Variants in KLF9 observed in about 807,000 individuals in gnomAD.
The protein encoded by KLF9 is KLF transcription factor 9, also known as Krueppel-like factor 9.
In KLF9, 2 loss-of-function variants were observed where a neutral mutation model predicts 17.3. The observed-to-expected ratio is 0.12, with a 90% CI of 0.05 to 0.36. The LOEUF is 0.36. Ranked by LOEUF, KLF9 falls within the 10% of genes least tolerant of loss-of-function variation. KLF9 has a pLI of 1.00. For missense variants in KLF9, 226 were observed against 333.2 expected (o/e 0.68, Z 2.51); for synonymous variants, 138 against 139.2 (o/e 0.99, Z 0.06).
chr9:70,411,961 C>T (rs1008785465), intron 1 of KLF9, among the ~76,000 whole-genome samples: 2 of 152,084 alleles, frequency 1.3e-5, no homozygotes, highest in Non-Finnish European at 2.9e-5. Flanking sequence ...AATTGGATGA[C>T]CCAGGTCCCT....
At chr9:70,410,346 C>T (rs765501214) in intron 1 of KLF9, among the ~76,000 whole-genome samples, 8 of 152,232 alleles carry the variant, frequency 5.3e-5, no homozygotes, top group Non-Finnish European at 1.2e-4. Context: ...AGCAGCAAGC[C>T]TCCAGTTTGC....
intron 1 of KLF9, among the ~76,000 whole-genome samples, chr9:70,397,270 G>T (rs575070950): frequency 9.2e-5 from 14 of 152,016 alleles, no homozygotes; most frequent in South Asian, 6.2e-4. Context: ...AGGTGAGGAG[G>T]TTGAGACCAT....
chr9:70,411,413 T>C (rs1353217198), intron 1 of KLF9, among the ~76,000 whole-genome samples: 1 of 151,990 alleles, frequency 6.6e-6, no homozygotes, highest in Non-Finnish European at 1.5e-5. Flanking sequence ...AAAGGTCACA[T>C]CCCCCAACAC....
At chr9:70,409,104 G>A (rs1452051615) in intron 1 of KLF9, among the ~76,000 whole-genome samples, 1,628 of 71,382 alleles carry the variant, frequency 0.023, 52 homozygotes, top group Non-Finnish European at 0.042. Flanking sequence ...ATATATATGT[G>A]TATATATATA....
At chr9:70,409,964 T>C (rs1402148530) in intron 1 of KLF9, among the ~76,000 whole-genome samples, 2 of 152,260 alleles carry the variant, frequency 1.3e-5, no homozygotes, top group Non-Finnish European at 2.9e-5. Flanking sequence ...CTCAAGGGGT[T>C]ACTGTGTGTG....
chr9:70,399,521 T>C (rs1447798162), intron 1 of KLF9, among the ~76,000 whole-genome samples: 1 of 152,240 alleles, frequency 6.6e-6, no homozygotes. Flanking sequence ...GGCAAAGCTA[T>C]CCCAAGAACA....
intron 1 of KLF9, among the ~76,000 whole-genome samples, chr9:70,401,461 G>T (rs1479565699): frequency 1.3e-5 from 2 of 152,016 alleles, no homozygotes; most frequent in African/African-American, 4.8e-5. Flanking sequence ...CGAGGCCGGT[G>T]AATCACTTCA....
intron 1 of KLF9, among the ~76,000 whole-genome samples, chr9:70,404,412 C>T (rs1164344368): frequency 6.6e-6 from 1 of 151,874 alleles, no homozygotes; most frequent in East Asian, 1.9e-4. Flanking sequence ...CCAGCCTGGG[C>T]AACATAGTGA....
intron 1 of KLF9, among the ~76,000 whole-genome samples, chr9:70,394,048 T>C (rs114203902): frequency 0.016 from 1,915 of 118,616 alleles, 49 homozygotes; most frequent in African/African-American, 0.057. Flanking sequence ...AAAAAAAGAG[T>C]GGTTTCTGAT....
At chr9:70,403,094 GA>G (rs2037234729) in intron 1 of KLF9, among the ~76,000 whole-genome samples, 1 of 152,190 alleles carries the variant, frequency 6.6e-6, no homozygotes, top group Non-Finnish European at 1.5e-5. Context: ...AGGTTGCAGT[GA>G]GCCGAGATTG....
intron 1 of KLF9, among the ~76,000 whole-genome samples, chr9:70,403,284 T>A (rs1234276813): frequency 1.3e-5 from 2 of 152,208 alleles, no homozygotes; most frequent in East Asian, 3.8e-4. Flanking sequence ...CAACAACTCC[T>A]TCCCCATTCT....
rs1284118303 is a variant in KLF9, at chr9:70,387,833, G to C, written c.678C>G (p.Thr226=). 3 of 1,614,090 alleles carry C rather than the reference G, an allele frequency of 1.9e-6. No individual in the cohort carries two copies. The highest frequency in any genetic ancestry group is 1.7e-5 in the Admixed American group (1 of 60,008). ...GCTTGATCATGCTGGGGTGGAACTC[G>C]GTGTGCCGCCGGGCGTGCTTTGTGA... ...DHLTKHARRH[T]EFHPSMIKRS... is the part of the protein sequence containing the mutation. Residue 226 remains threonine, a synonymous_variant, in exon 2 of 2, where the codon ACC becomes ACG. Coordinates refer to ENST00000377126, the MANE Select transcript of KLF9 (RefSeq NM_001206.4).
rs1253606157 is a variant in KLF9 at position 70,384,942 on chromosome 9, C to T, written c.*2834G>A. 6.6e-6 allele frequency: 1 copy of T among 152,428 alleles called. No homozygotes were observed. Among genetic ancestry groups the T allele is most frequent in the East Asian group, 1.9e-4 (1 of 5,200 alleles). The allele number at this position is 152,428 out of a possible 1,614,324, so 9.4% of individuals were successfully genotyped here. ...CATGATGTGGAGCTAAACCTTAAAG[C>T]CAGGGCATCATTCCACAATGGTGAA... On this transcript the variant is annotated 3_prime_UTR_variant, in exon 2 of 2. Transcript: ENST00000377126.
chr9:70,399,458 A>G (rs899660652), intron 1 of KLF9, among the ~76,000 whole-genome samples: 6 of 152,228 alleles, frequency 3.9e-5, no homozygotes. Flanking sequence ...GGAAACATAG[A>G]TAATAAATAT....
chr9:70,408,474 A>T (rs971812891), intron 1 of KLF9, among the ~76,000 whole-genome samples: 1 of 152,144 alleles, frequency 6.6e-6, no homozygotes, highest in African/African-American at 2.4e-5. Flanking sequence ...CTAAGGATCC[A>T]GGTACAGGGC....
At chr9:70,390,736 C>A (rs889857333) in intron 1 of KLF9, among the ~76,000 whole-genome samples, 1 of 152,036 alleles carries the variant, frequency 6.6e-6, no homozygotes. Flanking sequence ...ACTGGAGAAA[C>A]CTGAGCTATT....
intron 1 of KLF9, among the ~76,000 whole-genome samples, chr9:70,405,095 A>T (rs1170937599): frequency 6.6e-6 from 1 of 152,212 alleles, no homozygotes; most frequent in Non-Finnish European, 1.5e-5. Context: ...AGATGGTGAA[A>T]CATTTTCTTC....
intron 1 of KLF9, among the ~76,000 whole-genome samples, chr9:70,393,975 T>C (rs891785811): frequency 1.8e-4 from 27 of 150,608 alleles, no homozygotes; most frequent in African/African-American, 6.4e-4. Flanking sequence ...GAGCTATGAT[T>C]GTGCCACTGC....
chr9:70,387,709 G>A lies in KLF9; in HGVS notation c.*67C>T, dbSNP rs536409284. 3.1e-5 allele frequency: 43 copies of A among 1,401,236 alleles called. No homozygotes were observed. Among genetic ancestry groups the A allele is most frequent in the African/African-American group, 1.8e-4 (13 of 70,740 alleles). 86.8% of individuals were successfully genotyped at this position (1,401,236 alleles called of 1,614,324 possible). On this transcript the variant is annotated 3_prime_UTR_variant, in exon 2 of 2. Coordinates refer to ENST00000377126, the MANE Select transcript of KLF9 (RefSeq NM_001206.4). ...CTCTTCTGGGGCTCAGTTTTCACGC[G>A]TCTGTTTCCTGGGAGTACTTTTCTC...
Sources: allele counts gnomAD v4.1 joint callset (sites outside exome capture counted in the v4.1 genomes callset), GRCh38; gene constraint gnomAD v4.1.1; transcripts MANE v1.5; gene names NCBI Gene and HGNC (gene_info 2026-07-23, HGNC 2026-07-21).